The following TFDP2 variants were observed in gnomAD, a reference collection of about 807,000 sequenced individuals.
The protein encoded by TFDP2 is transcription factor Dp-2, also known as transcription factor Dp-2 (E2F dimerization partner 2).
A neutral mutation model predicts 59.3 loss-of-function variants in TFDP2; 17 were observed. The ratio of observed to expected loss-of-function variants is 0.29; its 90% CI spans 0.20 to 0.43. The LOEUF (loss-of-function observed/expected upper bound fraction) is 0.43. Among genes scored for constraint, TFDP2 ranks in the 20% least tolerant of loss-of-function variants. The probability of loss-of-function intolerance (pLI) is 1.00; values close to 1 mark genes in which losing one functional copy is unlikely to be tolerated. For missense variants in TFDP2, 391 were observed against 528.8 expected (o/e 0.74, Z 2.56); for synonymous variants, 180 against 194.7 (o/e 0.92, Z 0.63).
intron 1 of TFDP2, among the ~76,000 whole-genome samples, chr3:142,131,916 G>T (rs1260326898): frequency 7.0e-6 from 1 of 142,564 alleles, no homozygotes; most frequent in Non-Finnish European, 1.5e-5. Flanking sequence ...TGAGGTGGGA[G>T]AATCACTTGA....
intron 3 of TFDP2, among the ~76,000 whole-genome samples, chr3:142,018,991 T>C (rs1426178629): frequency 2.0e-5 from 3 of 151,432 alleles, no homozygotes; most frequent in Non-Finnish European, 4.4e-5. Context: ...TATTCTATTA[T>C]ACTTGCTGCA....
intron 6 of TFDP2, among the ~76,000 whole-genome samples, chr3:141,992,041 CAAAAAAAA>C (rs563215187): frequency 2.3e-5 from 1 of 44,160 alleles, no homozygotes; most frequent in African/African-American, 1.0e-4. Context: ...GACTCCATCT[CAAAAAAAA>C]AAAAAAAGAA....
chr3:141,978,643 C>T lies in TFDP2; in HGVS notation c.396G>A (p.Leu132=), dbSNP rs1005307253. 1.2e-6 allele frequency: 2 copies of T among 1,611,566 alleles called. No homozygotes were observed. Among genetic ancestry groups the T allele is most frequent in the South Asian group, 1.1e-5 (1 of 90,212 alleles). Residue 132 remains leucine, a synonymous_variant, in exon 7 of 13, where the codon TTG becomes TTA. Transcript: ENST00000489671. ...CACACACTTTCATTGAAAAGTGTCTCAAGCCTTTCCCATTTTTATCTCCTT... is the reference window on the plus strand; with the variant it reads ...CACACACTTTCATTGAAAAGTGTCTTAAGCCTTTCCCATTTTTATCTCCTT... ...SKKGDKNGKG[L]RHFSMKVCEK...
chr3:142,098,355 G>A lies in TFDP2; in HGVS notation c.15+3380C>T, dbSNP rs2061229069. On this transcript the variant is annotated intron_variant, in intron 2 of 12. Coordinates refer to ENST00000489671, the MANE Select transcript of TFDP2 (RefSeq NM_001178139.2). ...AGAACACAACTGCATTTTTGGTCTA[G>A]AAAAATATTACTGGATACTAGATAC... Among the ~76,000 whole-genome samples the A allele has an allele frequency of 5.3e-5, 8 of 150,030 alleles. 1 individual carries two copies. In the Admixed American group the frequency reaches 5.4e-4, roughly 10 times the overall value.
chr3:142,077,157 A>G (rs1433990415), intron 3 of TFDP2, among the ~76,000 whole-genome samples: 1 of 152,194 alleles, frequency 6.6e-6, no homozygotes, highest in African/African-American at 2.4e-5. Flanking sequence ...GACAGAAGGA[A>G]TCGTCCATCC....
At chr3:141,959,491 A>T (rs1268421428) in intron 11 of TFDP2, among the ~76,000 whole-genome samples, 183 bp downstream of exon 11, 7 of 152,204 alleles carry the variant, frequency 4.6e-5, no homozygotes, top group African/African-American at 1.7e-4. Context: ...TAAGTTCATA[A>T]TGTTATGAAA....
rs1191312856 is a variant in TFDP2 at position 141,979,914 on chromosome 3, G to GT, written c.357-1233dup. Among the ~76,000 whole-genome samples the GT allele has an allele frequency of 4.7e-3, 678 of 144,910 alleles. 5 individuals are homozygous for GT. The highest frequency in any genetic ancestry group is 0.034 in the East Asian group (169 of 4,972). On this transcript the variant is annotated intron_variant, in intron 6 of 12. Transcript: ENST00000489671. ...CTCTGTCTCAGTTTTCTGTTTTTGG[G>GT]TTTTTTTTTTTGGATTCAGGGTCTC...
At chr3:142,029,228 C>A (rs983574473) in intron 3 of TFDP2, 22 of 152,182 alleles carry the variant, frequency 1.4e-4, no homozygotes. Flanking sequence ...AACTGTCCAG[C>A]TCTTGTGGGA....
At chr3:141,988,697 T>C (rs1310750591) in intron 6 of TFDP2, among the ~76,000 whole-genome samples, 4 of 135,596 alleles carry the variant, frequency 2.9e-5, no homozygotes, top group African/African-American at 1.1e-4. Flanking sequence ...TGAGATGGAG[T>C]CTCACTCTGT....
intron 8 of TFDP2, among the ~76,000 whole-genome samples, chr3:141,971,374 T>TAAAA (rs56219575): frequency 2.5e-5 from 2 of 80,022 alleles, no homozygotes; most frequent in African/African-American, 4.6e-5. Context: ...TCGTCTCTAC[T>TAAAA]AAAAAAAAAA....
intron 4 of TFDP2, among the ~76,000 whole-genome samples, chr3:141,999,793 T>C (rs1176829761): frequency 6.6e-6 from 1 of 151,734 alleles, no homozygotes; most frequent in African/African-American, 2.4e-5. Context: ...TGGAGTGCAG[T>C]GGCGTGATCT....
intron 3 of TFDP2, among the ~76,000 whole-genome samples, chr3:142,032,384 T>TA (rs1432313518): frequency 6.6e-5 from 10 of 152,278 alleles, no homozygotes; most frequent in African/African-American, 2.4e-4. Context: ...TGTGAGCTAC[T>TA]ACGCTTAGCT....
chr3:142,102,715 T>C (rs1017900446), intron 1 of TFDP2, among the ~76,000 whole-genome samples: 7 of 152,208 alleles, frequency 4.6e-5, no homozygotes, highest in African/African-American at 7.2e-5. Context: ...ACCAAATGAT[T>C]ACCAATAATG....
chr3:142,011,590 T>TAAAAAAAAAAGAAAAA (rs1944695229), intron 3 of TFDP2, among the ~76,000 whole-genome samples: 1 of 63,894 alleles, frequency 1.6e-5, no homozygotes, highest in Non-Finnish European at 2.7e-5. Context: ...TAAAGTATAA[T>TAAAAAAAAAAGAAAAA]AAAAAAAAAA....
At chr3:142,075,476 G>T (rs1415343049) in intron 3 of TFDP2, among the ~76,000 whole-genome samples, 4 of 152,072 alleles carry the variant, frequency 2.6e-5, no homozygotes, top group African/African-American at 4.8e-5. Flanking sequence ...TTAGTATCCT[G>T]CGTAGAGCAC....
At chr3:142,080,189 T>A (rs2060588280) in intron 3 of TFDP2, among the ~76,000 whole-genome samples, 1 of 152,142 alleles carries the variant, frequency 6.6e-6, no homozygotes, top group African/African-American at 2.4e-5. Context: ...GGTCGCGAAC[T>A]CTTGAACTCA....
chr3:141,999,887 C>T (rs1161463649), intron 4 of TFDP2, among the ~76,000 whole-genome samples: 2 of 152,088 alleles, frequency 1.3e-5, no homozygotes, highest in African/African-American at 4.8e-5. Context: ...AGGCGCCTGC[C>T]ACCACGCCCG....
intron 3 of TFDP2, among the ~76,000 whole-genome samples, chr3:142,087,333 T>C (rs1355234986): frequency 6.6e-6 from 1 of 152,154 alleles, no homozygotes; most frequent in Non-Finnish European, 1.5e-5. Flanking sequence ...TGTAGGCAAC[T>C]GTAACACATG....
intron 6 of TFDP2, chr3:141,989,656 C>G (rs1038774986): frequency 6.6e-6 from 1 of 152,212 alleles, no homozygotes; most frequent in African/African-American, 2.4e-5. Context: ...CTTCCTCCAA[C>G]AATTCATTCT....
Sources: allele counts gnomAD v4.1 joint callset (sites outside exome capture counted in the v4.1 genomes callset), GRCh38; gene constraint gnomAD v4.1.1; transcripts MANE v1.5; gene names NCBI Gene and HGNC (gene_info 2026-07-23, HGNC 2026-07-21).